PCDH15: variants seen among roughly 807,000 people sequenced by gnomAD.
PCDH15 encodes the protein protocadherin-15.
In PCDH15, 129 loss-of-function variants were observed where a neutral mutation model predicts 178.5. The ratio of observed to expected loss-of-function variants is 0.72; its 90% CI spans 0.63 to 0.84. The LOEUF (loss-of-function observed/expected upper bound fraction) is 0.84, where lower values mean the gene tolerates loss of function less well. PCDH15 is among the 40% of genes least tolerant of loss of function. PCDH15 has a pLI of 0.00. For missense variants in PCDH15, 2,230 were observed against 2,099.9 expected, an observed-to-expected ratio of 1.06 and a Z score of -1.21; for synonymous variants, 800 against 732.0, an observed-to-expected ratio of 1.09 and a Z score of -1.50.
At chr10:54,199,900 C>A (rs7900069) in intron 10 of PCDH15, among the ~76,000 whole-genome samples, 1 of 151,840 alleles carries the variant, frequency 6.6e-6, no homozygotes, top group South Asian at 2.1e-4. Context: ...CTTTCAGTAA[C>A]GAGACCAAAG....
At chr10:54,650,713 G>A (rs1209242608) in intron 2 of PCDH15, among the ~76,000 whole-genome samples, 1 of 152,062 alleles carries the variant, frequency 6.6e-6, no homozygotes, top group African/African-American at 2.4e-5. Flanking sequence ...CATCTTCCAT[G>A]GCAGCAGACA....
intron 17 of PCDH15, 44 bp downstream of exon 17, chr10:54,079,287 C>T (rs773300117): frequency 3.3e-6 from 5 of 1,530,188 alleles, no homozygotes. Flanking sequence ...CTCTCAGTTG[C>T]CTTAATACTA....
chr10:54,614,583 C>G lies in PCDH15; in HGVS notation c.91+49589G>C, dbSNP rs1245057985. Among the ~76,000 whole-genome samples, 3 of 152,022 alleles carry G rather than the reference C, an allele frequency of 2.0e-5. No individual in the cohort carries two copies. The East Asian group carries it at 5.8e-4, about 29-fold the overall frequency. On this transcript the variant is annotated intron_variant, in intron 2 of 37. Coordinates refer to ENST00000644397, the MANE Select transcript of PCDH15 (RefSeq NM_001384140.1). ...ATTTTATATTACAATTGTATTTGTA[C>G]CATCTGACCTAATTATTAAATGTTT...
chr10:54,646,537 C>G (rs369381969), intron 2 of PCDH15, among the ~76,000 whole-genome samples: 6 of 151,988 alleles, frequency 3.9e-5, no homozygotes, highest in African/African-American at 1.4e-4. Flanking sequence ...GGGGCGGGGC[C>G]CACATCATTG....
At chr10:54,143,398 G>C (rs551254385) in intron 14 of PCDH15, among the ~76,000 whole-genome samples, 82 of 152,016 alleles carry the variant, frequency 5.4e-4, no homozygotes, top group Non-Finnish European at 8.4e-4. Flanking sequence ...TTATTGTTTT[G>C]CTTTGATCCT....
At chr10:55,592,342 G>C (rs1041387862) in intron 2 of PCDH15, among the ~76,000 whole-genome samples, 1 of 152,162 alleles carries the variant, frequency 6.6e-6, no homozygotes, top group Non-Finnish European at 1.5e-5. Context: ...ACTGGAGGAA[G>C]AGAGAAGGGT....
At position 54,307,040 on chromosome 10, in the gene PCDH15, G is replaced by GTATATATA. The variant is rs1158139613; in HGVS notation, c.876+10223_876+10230dup. On this transcript the variant is annotated intron_variant, in intron 8 of 37. Transcript: ENST00000644397. ...CATATATATATATATGTGTGTGTGT[G>GTATATATA]TATATATATATATATATATATATAT... 1.3e-3 allele frequency among the ~76,000 whole-genome samples: 38 copies of GTATATATA among 29,326 alleles called. 3 individuals carry two copies. Among genetic ancestry groups the GTATATATA allele is most frequent in the Admixed American group, 2.1e-3 (4 of 1,862 alleles). The allele number at this position is 29,326 out of a possible 152,430, so 19.2% of individuals were successfully genotyped here. A position where few individuals can be genotyped will look rare whatever the true frequency, so the allele number is the denominator to read the frequency against.
At chr10:55,071,757 T>G (rs889300161) in intron 2 of PCDH15, among the ~76,000 whole-genome samples, 1 of 152,214 alleles carries the variant, frequency 6.6e-6, no homozygotes, top group South Asian at 2.1e-4. Flanking sequence ...CTAATAGACA[T>G]CTACAGAACT....
At chr10:54,493,474 G>T (rs2079806252) in intron 3 of PCDH15, among the ~76,000 whole-genome samples, 2 of 151,906 alleles carry the variant, frequency 1.3e-5, no homozygotes, top group African/African-American at 2.4e-5. Flanking sequence ...TAAATTAGAA[G>T]AGATGGATAC....
chr10:54,057,476 C>G (rs560472859), intron 18 of PCDH15, among the ~76,000 whole-genome samples: 2 of 152,304 alleles, frequency 1.3e-5, no homozygotes, highest in South Asian at 2.1e-4. Context: ...GAAGCCCTGG[C>G]CTGAGCTATA....
At chr10:55,266,022 T>A (rs1262658075) in intron 1 of PCDH15, among the ~76,000 whole-genome samples, 1 of 152,168 alleles carries the variant, frequency 6.6e-6, no homozygotes, top group Non-Finnish European at 1.5e-5. Context: ...AACAGTTAGC[T>A]GTCTTCTAAA....
intron 2 of PCDH15, among the ~76,000 whole-genome samples, chr10:55,020,847 G>A (rs1223752647): frequency 6.6e-6 from 1 of 152,098 alleles, no homozygotes; most frequent in Non-Finnish European, 1.5e-5. Context: ...GCATAGGACA[G>A]AACTCAAAGT....
chr10:54,954,546 T>C (rs1838431917), intron 2 of PCDH15, among the ~76,000 whole-genome samples: 1 of 151,232 alleles, frequency 6.6e-6, no homozygotes, highest in Non-Finnish European at 1.5e-5. Flanking sequence ...ATTTTCAAAA[T>C]CTACCATTAT....
At chr10:54,479,757 G>GA (rs930606287) in intron 3 of PCDH15, among the ~76,000 whole-genome samples, 6 of 151,556 alleles carry the variant, frequency 4.0e-5, no homozygotes, top group Admixed American at 1.3e-4. Context: ...ACTTCTCACA[G>GA]AAAAAAATGA....
chr10:55,061,570 A>G (rs985692429), intron 2 of PCDH15, among the ~76,000 whole-genome samples: 1 of 152,192 alleles, frequency 6.6e-6, no homozygotes, highest in African/African-American at 2.4e-5. Flanking sequence ...AAAGGAATTA[A>G]AAACTTTCAT....
intron 2 of PCDH15, among the ~76,000 whole-genome samples, chr10:55,612,880 C>T (rs1843397080): frequency 6.6e-6 from 1 of 152,166 alleles, no homozygotes; most frequent in African/African-American, 2.4e-5. Flanking sequence ...ACTTCAAATA[C>T]TCACACTTTA....
At chr10:55,419,863 A>G (rs550346621) in intron 2 of PCDH15, among the ~76,000 whole-genome samples, 1 of 151,776 alleles carries the variant, frequency 6.6e-6, no homozygotes, top group Non-Finnish European at 1.5e-5. Flanking sequence ...GCAAAAAAAT[A>G]TGAACAGATA....
intron 2 of PCDH15, among the ~76,000 whole-genome samples, chr10:55,139,307 T>C (rs1464360081): frequency 6.6e-6 from 1 of 152,114 alleles, no homozygotes; most frequent in Non-Finnish European, 1.5e-5. Flanking sequence ...TTTAAAATAA[T>C]TTTTCATTCA....
rs1174973055 is a variant in PCDH15 at position 55,334,240 on chromosome 10, A to ATGTGTG, written c.-155-167590_-155-167589insCACACA. ...GTGCTCCATATATATATATATATAT[A>ATGTGTG]TATGTGTGTGTGTGTGTGTGTGTGT... On this transcript the variant is annotated intron_variant, in intron 2 of 5. Transcript: ENST00000613346. Among the ~76,000 whole-genome samples, 365 of 88,552 alleles carry ATGTGTG rather than the reference A, an allele frequency of 4.1e-3. 3 individuals carry two copies. The highest frequency in any genetic ancestry group is 0.023 in the Middle Eastern group (4 of 172). The allele number at this position is 88,552 out of a possible 152,430, so 58.1% of individuals were successfully genotyped here. A position where few individuals can be genotyped will look rare whatever the true frequency, so the allele number is the denominator to read the frequency against.
Sources: allele counts gnomAD v4.1 joint callset (sites outside exome capture counted in the v4.1 genomes callset), GRCh38; gene constraint gnomAD v4.1.1; transcripts MANE v1.5; gene names NCBI Gene and HGNC (gene_info 2026-07-23, HGNC 2026-07-21).